PABPC4: variants seen among roughly 807,000 people sequenced by gnomAD.
PABPC4 encodes poly(A) binding protein cytoplasmic 4.
PABPC4 carries 15 observed loss-of-function variants against 74.5 expected under a neutral mutation model. The ratio of observed to expected loss-of-function variants is 0.20; its 90% CI spans 0.13 to 0.31. The LOEUF (loss-of-function observed/expected upper bound fraction) is 0.31. Among genes scored for constraint, PABPC4 ranks in the 10% least tolerant of loss-of-function variants. The pLI is 1.00. For synonymous variants in PABPC4, 345 were observed against 303.0 expected (o/e 1.14, Z -1.44); for missense variants, 610 against 853.5 (o/e 0.71, Z 3.55).
At chr1:39,563,509 A>G in intron 12 of PABPC4, 105 bp downstream of exon 12, 1 of 1,359,336 alleles carries the variant, frequency 7.4e-7, no homozygotes, top group East Asian at 2.3e-5. Flanking sequence ...GTCATAACAC[A>G]GAGCAGGCAT....
At chr1:39,570,973 T>C in intron 3 of PABPC4, 1 of 1,148,558 alleles carries the variant, frequency 8.7e-7, no homozygotes, top group Non-Finnish European at 1.2e-6. Flanking sequence ...CCCCAGTTGT[T>C]GATGCTCACA....
chr1:39,564,159 C>A (rs1162981374), intron 10 of PABPC4: 11 of 614,094 alleles, frequency 1.8e-5, no homozygotes, highest in Non-Finnish European at 3.1e-5. Flanking sequence ...AACAAGCTGC[C>A]TCTGTGGTCA....
At chr1:39,572,358 A>T in intron 2 of PABPC4, 35 bp downstream of exon 2, 1 of 1,437,662 alleles carries the variant, frequency 7.0e-7, no homozygotes, top group Non-Finnish European at 9.7e-7. Flanking sequence ...AGAATCAATT[A>T]ATTATTCTGC....
At chr1:39,566,050 C>CT (rs1490780388) in intron 7 of PABPC4, among the ~76,000 whole-genome samples, 1 of 152,158 alleles carries the variant, frequency 6.6e-6, no homozygotes, top group African/African-American at 2.4e-5. Context: ...GTCACAACCT[C>CT]TAAGGTATCT....
intron 10 of PABPC4, 90 bp downstream of exon 10, chr1:39,564,333 G>A (rs1034479449): frequency 3.8e-5 from 56 of 1,463,544 alleles, no homozygotes; most frequent in Non-Finnish European, 4.6e-5. Context: ...CGATAAATTC[G>A]AGCCCAACAA....
At chr1:39,563,498 C>A (rs1034746286) in intron 12 of PABPC4, 116 bp downstream of exon 12, 9 of 1,282,630 alleles carry the variant, frequency 7.0e-6, no homozygotes, top group Non-Finnish European at 8.6e-6. Context: ...CAGAACATAG[C>A]GTCATAACAC....
At chr1:39,566,387 G>A (rs1423906898) in intron 7 of PABPC4, among the ~76,000 whole-genome samples, 1 of 152,098 alleles carries the variant, frequency 6.6e-6, no homozygotes, top group Non-Finnish European at 1.5e-5. Context: ...GAGATAGGCA[G>A]CCTAGATTCT....
At chr1:39,562,625 A>G in intron 12 of PABPC4, 1 of 456,838 alleles carries the variant, frequency 2.2e-6, no homozygotes, top group East Asian at 3.2e-5. Context: ...AACCAATTAC[A>G]ATGAAAATGG....
chr1:39,575,738 G>A, intron 1 of PABPC4, 21 bp downstream of exon 1: 1 of 1,549,840 alleles, frequency 6.5e-7, no homozygotes, highest in South Asian at 1.2e-5. Flanking sequence ...CCACGCACGT[G>A]TGGGCACAGC....
intron 12 of PABPC4, 188 bp from the exon 13 acceptor site, chr1:39,562,604 G>C: frequency 2.0e-6 from 1 of 498,998 alleles, no homozygotes; most frequent in Non-Finnish European, 3.5e-6. Flanking sequence ...GAGTGGTATG[G>C]ACATAAACAC....
chr1:39,575,875 A>G lies in PABPC4; in HGVS notation c.77T>C (p.Met26Thr). 1 of 1,612,458 alleles carries G rather than the reference A, an allele frequency of 6.2e-7. No individual in the cohort carries two copies. Among genetic ancestry groups the G allele is most frequent in the South Asian group, 1.1e-5 (1 of 91,014 alleles). The change falls in exon 1 of 16, where the codon ATG becomes ACG. Residue 26 changes from methionine (M) to threonine (T), a missense_variant. This residue lies in a region of PABPC4 where 304 missense variants were observed against 478.9 expected (regional missense o/e 0.63). Transcript: ENST00000372858. ...GDLHSDVTEA[M>T]LYEKFSPAGP... ...CGCGGGGCTGAACTTTTCGTACAGC[A>G]TGGCCTCGGTGACGTCCGAATGCAG...
intron 3 of PABPC4, 21 bp downstream of exon 3, chr1:39,571,213 G>T: frequency 6.2e-7 from 1 of 1,613,772 alleles, no homozygotes; most frequent in East Asian, 2.2e-5. Flanking sequence ...GATGGTTGTT[G>T]CTCCGGACTG....
At chr1:39,569,140 T>C (rs961572541) in intron 5 of PABPC4, among the ~76,000 whole-genome samples, 16 of 152,292 alleles carry the variant, frequency 1.1e-4, no homozygotes, top group Non-Finnish European at 1.6e-4. Context: ...CCAGATAATA[T>C]AGAAATAGTA....
At chr1:39,569,173 C>G (rs1360857019) in intron 5 of PABPC4, among the ~76,000 whole-genome samples, 2 of 152,158 alleles carry the variant, frequency 1.3e-5, no homozygotes, top group Non-Finnish European at 2.9e-5. Context: ...CACAAGTGTG[C>G]TGACATGAGC....
In PABPC4 at chr1:39,561,792, G is replaced by A. The variant is rs12755743; in HGVS notation, c.1894-5C>T. ...AACTGCTACAGCTTCATCCACCTGC[G>A]AGAAATCTTCAGGTGGTCAGTGAAT... On this transcript the variant is annotated splice_polypyrimidine_tract_variant and splice_region_variant and intron_variant, in intron 14 of 15. Coordinates refer to ENST00000372858, the MANE Select transcript of PABPC4 (RefSeq NM_001135653.2). The A allele has an allele frequency of 0.084, 135,040 of 1,611,542 alleles. 6,451 individuals are homozygous for A. Among genetic ancestry groups the A allele is most frequent in the Middle Eastern group, 0.12 (729 of 6,048 alleles).
chr1:39,563,597 T>A lies in PABPC4; in HGVS notation c.1668+17A>T, dbSNP rs1488881341. On this transcript the variant is annotated intron_variant, in intron 12 of 15. Transcript: ENST00000372858. The stretch of plus-strand genomic sequence containing the variant: ...ATGGGGGAAATCCTTTTAAGCATTC[T>A]GTCTGGTGAACCTCACCTGCAGAGG... 6.2e-7 allele frequency: 1 copy of A among 1,604,312 alleles called. No individual in the cohort carries two copies. The highest frequency in any genetic ancestry group is 2.2e-5 in the East Asian group (1 of 44,754).
Position 39,562,369 on chromosome 1 carries a change from G to A in PABPC4, c.1716C>T (p.Ala572=). 6.2e-7 allele frequency: 1 copy of A among 1,614,048 alleles called. No homozygotes were observed. The highest frequency in any genetic ancestry group is 1.1e-5 in the South Asian group (1 of 91,076). ...GGGGGGGTGCTGCAGCCAGCATGGA[G>A]GCAGTCAGTGGCTCCTGCCCCTGCA... ...VHVQGQEPLT[A]SMLAAAPPQE... The change falls in exon 13 of 16, where the codon GCC becomes GCT. Residue 572 remains alanine (A), a synonymous_variant. Coordinates refer to ENST00000372858, the MANE Select transcript of PABPC4 (RefSeq NM_001135653.2).
chr1:39,567,154 C>A (rs1245563540), intron 7 of PABPC4, among the ~76,000 whole-genome samples: 7 of 152,194 alleles, frequency 4.6e-5, no homozygotes, highest in Non-Finnish European at 1.0e-4. Flanking sequence ...ATGTAGTCAG[C>A]ATTCTCTTGT....
intron 2 of PABPC4, chr1:39,571,683 G>A (rs561136058): frequency 3.9e-5 from 19 of 482,164 alleles, no homozygotes; most frequent in South Asian, 1.1e-4. Context: ...GAGCCAGATC[G>A]TTGGACAATG....
Sources: gnomAD v4.1 joint callset for allele counts (sites outside exome capture counted in the v4.1 genomes callset) on GRCh38, gnomAD v4.1.1 for gene constraint, gnomAD v4.1.1 regional missense constraint, MANE v1.5 for transcripts, NCBI Gene and HGNC (gene_info 2026-07-23, HGNC 2026-07-21) for gene names.